Variants in CDC123 observed in about 807,000 individuals in gnomAD.
CDC123 encodes translation initiation factor eIF2 assembly protein.
A neutral mutation model predicts 54.4 loss-of-function variants in CDC123; 37 were observed. The ratio of observed to expected loss-of-function variants is 0.68; its 90% CI spans 0.52 to 0.89. The LOEUF is 0.89. Ranked by LOEUF, CDC123 falls within the 40% of genes least tolerant of loss-of-function variation. The pLI is 0.00. For missense variants in CDC123, 361 were observed against 412.1 expected (o/e 0.88, Z 1.07); for synonymous variants, 144 against 136.8 (o/e 1.05, Z -0.37).
At chr10:12,202,080 G>A (rs10508438) in intron 2 of CDC123, among the ~76,000 whole-genome samples, 48,962 of 152,034 alleles carry the variant, frequency 0.32, 8,101 homozygotes, top group East Asian at 0.49. Context: ...GTGATTTTAG[G>A]TTAGGTTACT....
intron 2 of CDC123, 110 bp downstream of exon 2, chr10:12,198,886 C>G (rs1835400271): frequency 1.5e-6 from 1 of 666,676 alleles, no homozygotes; most frequent in Non-Finnish European, 2.7e-6. Context: ...TCTCTCCTAG[C>G]CAAAATGATG....
chr10:12,242,096 T>G (rs1171677707), intron 10 of CDC123, among the ~76,000 whole-genome samples: 2 of 152,222 alleles, frequency 1.3e-5, no homozygotes, highest in Non-Finnish European at 2.9e-5. Context: ...TAGCTGGCTG[T>G]ATTTCAGGAG....
chr10:12,237,333 T>C, intron 9 of CDC123, 67 bp downstream of exon 9: 1 of 1,291,808 alleles, frequency 7.7e-7, no homozygotes, highest in Non-Finnish European at 1.0e-6. Flanking sequence ...CCTTATTTAC[T>C]ATGGTGTGTA....
intron 4 of CDC123, among the ~76,000 whole-genome samples, chr10:12,212,384 G>C (rs923014581): frequency 3.3e-5 from 5 of 152,202 alleles, no homozygotes; most frequent in African/African-American, 1.2e-4. Context: ...ACAATGATGT[G>C]ACATGACAAA....
intron 6 of CDC123, among the ~76,000 whole-genome samples, chr10:12,226,174 C>G (rs983609983): frequency 6.6e-6 from 1 of 152,208 alleles, no homozygotes; most frequent in Non-Finnish European, 1.5e-5. Context: ...TACACAGACA[C>G]AGCAACAATC....
intron 11 of CDC123, 179 bp downstream of exon 11, chr10:12,246,456 A>G (rs1045087040): frequency 3.5e-6 from 2 of 578,034 alleles, no homozygotes; most frequent in African/African-American, 3.8e-5. Context: ...GGCCCCACTT[A>G]ACTTTATATA....
chr10:12,206,757 G>A (rs543812682), intron 2 of CDC123, among the ~76,000 whole-genome samples: 1 of 152,098 alleles, frequency 6.6e-6, no homozygotes, highest in Non-Finnish European at 1.5e-5. Context: ...AGGAGATCGA[G>A]ACCATCCTGG....
intron 6 of CDC123, among the ~76,000 whole-genome samples, chr10:12,219,302 G>A (rs146471058): frequency 1.3e-5 from 2 of 150,614 alleles, no homozygotes; most frequent in East Asian, 3.9e-4. Flanking sequence ...GATTTTACTT[G>A]TATTGGTATT....
In CDC123 at chr10:12,229,894, A is replaced by G. The variant is rs537877496; in HGVS notation, c.441-1054A>G. Among the ~76,000 whole-genome samples, 10 of 152,340 alleles carry G rather than the reference A, an allele frequency of 6.6e-5. No homozygotes were observed. In the East Asian group the frequency reaches 1.5e-3, roughly 24 times the overall value. On this transcript the variant is annotated intron_variant, in intron 6 of 12. Transcript: ENST00000281141. Reference sequence around the variant, plus strand: ...TTAACTGTGTGACTTTCGATGGCCAACGTTACGTTGAGAGAGAAGTAGGCT... The same window carrying G: ...TTAACTGTGTGACTTTCGATGGCCAGCGTTACGTTGAGAGAGAAGTAGGCT...
At chr10:12,227,136 A>T (rs1479832599) in intron 6 of CDC123, among the ~76,000 whole-genome samples, 1 of 152,098 alleles carries the variant, frequency 6.6e-6, no homozygotes, top group Non-Finnish European at 1.5e-5. Context: ...TGCGCCTGCA[A>T]TCCCAGGCAC....
chr10:12,232,806 CAG>C (rs1410120715), intron 7 of CDC123, among the ~76,000 whole-genome samples: 6 of 150,178 alleles, frequency 4.0e-5, no homozygotes, highest in Non-Finnish European at 7.4e-5. Context: ...TTTTCTGAGA[CAG>C]AGTCTTGCTC....
rs1407641265 is a variant in CDC123, at chr10:12,246,288, T to A, written c.846+11T>A. 1.9e-6 allele frequency: 3 copies of A among 1,613,984 alleles called. No homozygotes were observed. The highest frequency in any genetic ancestry group is 2.5e-6 in the Non-Finnish European group (3 of 1,179,940). ...GACGCTCAAGAGCAGGTACAACATTTTTAAGACAGATACAATGTAAACCTT... is the reference window on the plus strand; with the variant it reads ...GACGCTCAAGAGCAGGTACAACATTATTAAGACAGATACAATGTAAACCTT... On this transcript the variant is annotated intron_variant, in intron 11 of 12. Transcript: ENST00000281141.
At chr10:12,232,598 A>G (rs1835915529) in intron 7 of CDC123, among the ~76,000 whole-genome samples, 1 of 152,072 alleles carries the variant, frequency 6.6e-6, no homozygotes. Flanking sequence ...AGATTCTTAT[A>G]TACAACTTGT....
intron 2 of CDC123, 58 bp downstream of exon 2, chr10:12,198,834 A>G (rs1165300859): frequency 1.1e-6 from 1 of 901,986 alleles, no homozygotes; most frequent in Non-Finnish European, 1.8e-6. Flanking sequence ...ACATAAAATG[A>G]ATGAATTAGC....
rs1216837155 is a variant in CDC123 at position 12,230,907 on chromosome 10, G to A, written c.441-41G>A. On this transcript the variant is annotated intron_variant, in intron 6 of 12. Coordinates refer to ENST00000281141, the MANE Select transcript of CDC123 (RefSeq NM_006023.3). ...TAAGTGTGTGCATAAACTGGCACCA[G>A]TAACAAAAAGATTCAGTTGCCTTTT... 3 of 1,592,582 alleles carry A rather than the reference G, an allele frequency of 1.9e-6. No homozygotes were observed. In the South Asian group the frequency reaches 3.4e-5, roughly 18 times the overall value.
At chr10:12,214,038 C>G (rs916335270) in intron 4 of CDC123, among the ~76,000 whole-genome samples, 2 of 152,178 alleles carry the variant, frequency 1.3e-5, no homozygotes, top group African/African-American at 2.4e-5. Context: ...TAGTCTTCCA[C>G]TTAAGACTGT....
Position 12,196,226 on chromosome 10 carries a change from G to A in CDC123, c.-20G>A. ...GGTGCAGGCAGGAGAGGGAAAGGCAGCAGCGGCGGCAGCTGGAGGATGAAG... is the reference window on the plus strand; with the variant it reads ...GGTGCAGGCAGGAGAGGGAAAGGCAACAGCGGCGGCAGCTGGAGGATGAAG... On this transcript the variant is annotated 5_prime_UTR_variant, in exon 1 of 13. Coordinates refer to ENST00000281141, the MANE Select transcript of CDC123 (RefSeq NM_006023.3). 6.2e-7 allele frequency: 1 copy of A among 1,613,876 alleles called. No homozygotes were observed. Among genetic ancestry groups the A allele is most frequent in the Non-Finnish European group, 8.5e-7 (1 of 1,179,938 alleles).
At chr10:12,197,457 A>G (rs7897943) in intron 1 of CDC123, among the ~76,000 whole-genome samples, 31,167 of 150,694 alleles carry the variant, frequency 0.21, 3,400 homozygotes, top group Non-Finnish European at 0.24. Flanking sequence ...GCTCACTGCA[A>G]GCTTCCCTTC....
intron 11 of CDC123, among the ~76,000 whole-genome samples, chr10:12,248,874 C>T (rs563376430): frequency 9.9e-5 from 15 of 152,178 alleles, no homozygotes; most frequent in African/African-American, 3.4e-4. Context: ...CTTTGGGAGG[C>T]CGAGGCAGGC....
Sources: gnomAD v4.1 joint callset for allele counts (sites outside exome capture counted in the v4.1 genomes callset) on GRCh38, gnomAD v4.1.1 for gene constraint, MANE v1.5 for transcripts, NCBI Gene and HGNC (gene_info 2026-07-23, HGNC 2026-07-21) for gene names.